BNC2: variants seen among roughly 807,000 people sequenced by gnomAD.
The protein encoded by BNC2 is basonuclin zinc finger protein 2, also known as zinc finger protein basonuclin-2.
In BNC2, 20 loss-of-function variants were observed where a neutral mutation model predicts 76.3. That is an observed-to-expected ratio of 0.26 (90% CI 0.18 to 0.38). BNC2 has a LOEUF of 0.38. Ranked by LOEUF, BNC2 falls within the 10% of genes least tolerant of loss-of-function variation. The pLI is 1.00. For missense variants in BNC2, 1,382 were observed against 1,399.8 expected (o/e 0.99, Z 0.20); for synonymous variants, 582 against 514.8 (o/e 1.13, Z -1.77).
chr9:16,701,386 T>C (rs950171442), intron 3 of BNC2, among the ~76,000 whole-genome samples: 5 of 152,248 alleles, frequency 3.3e-5, no homozygotes, highest in South Asian at 4.1e-4. Context: ...GATTTCTTCA[T>C]CTGTAAAATG....
intron 3 of BNC2, chr9:16,625,743 T>C (rs1217667364): frequency 6.6e-6 from 1 of 152,252 alleles, no homozygotes; most frequent in Non-Finnish European, 1.5e-5. Flanking sequence ...ACCCTCCCTA[T>C]CCCCGACCCT....
At chr9:16,562,525 C>CA (rs762187466) in intron 4 of BNC2, among the ~76,000 whole-genome samples, 2 of 152,144 alleles carry the variant, frequency 1.3e-5, no homozygotes, top group Non-Finnish European at 1.5e-5. Flanking sequence ...CCTACATAAT[C>CA]AAATAATAGC....
chr9:16,656,847 T>C (rs1330929791), intron 3 of BNC2, among the ~76,000 whole-genome samples: 3 of 152,166 alleles, frequency 2.0e-5, no homozygotes, highest in Admixed American at 2.0e-4. Context: ...AGGGAATCTT[T>C]ACAAGATTAG....
intron 4 of BNC2, among the ~76,000 whole-genome samples, chr9:16,573,799 C>A (rs139523249): frequency 6.6e-6 from 1 of 152,258 alleles, no homozygotes; most frequent in African/African-American, 2.4e-5. Context: ...TTATACAATT[C>A]TTTGGGTATA....
chr9:16,813,746 G>C (rs1043078841), intron 1 of BNC2, among the ~76,000 whole-genome samples: 10 of 152,150 alleles, frequency 6.6e-5, no homozygotes. Flanking sequence ...TTGTAGAAGA[G>C]GAGGTATTCT....
intron 5 of BNC2, among the ~76,000 whole-genome samples, chr9:16,479,173 A>G (rs1821992057): frequency 6.6e-6 from 1 of 151,316 alleles, no homozygotes; most frequent in Non-Finnish European, 1.5e-5. Flanking sequence ...AACTGCTTGA[A>G]TCTGGGAGGC....
chr9:16,791,924 A>AGTTTTG (rs1817521514), intron 1 of BNC2, among the ~76,000 whole-genome samples: 2 of 152,096 alleles, frequency 1.3e-5, no homozygotes, highest in African/African-American at 4.8e-5. Context: ...GCAGCATGGC[A>AGTTTTG]AAACTCCATC....
chr9:16,853,164 T>A (rs551063572), intron 1 of BNC2, among the ~76,000 whole-genome samples: 1 of 152,292 alleles, frequency 6.6e-6, no homozygotes, highest in South Asian at 2.1e-4. Context: ...ACGCCTGTAA[T>A]CCCAGCACTT....
At chr9:16,592,770 A>G (rs1400897420) in intron 3 of BNC2, among the ~76,000 whole-genome samples, 1 of 152,158 alleles carries the variant, frequency 6.6e-6, no homozygotes, top group East Asian at 1.9e-4. Flanking sequence ...ATCCCATAAG[A>G]TATCATTCCC....
intron 1 of BNC2, among the ~76,000 whole-genome samples, chr9:16,825,797 T>C (rs1818440564): frequency 6.6e-6 from 1 of 152,326 alleles, no homozygotes; most frequent in East Asian, 1.9e-4. Flanking sequence ...TTAGAAATTA[T>C]GATTGTGACA....
intron 5 of BNC2, among the ~76,000 whole-genome samples, chr9:16,449,123 A>G (rs988880940): frequency 6.6e-6 from 1 of 152,202 alleles, no homozygotes; most frequent in African/African-American, 2.4e-5. Flanking sequence ...ATGAAAAAGG[A>G]TAAAAGGAGA....
At chr9:16,489,157 A>G (rs936221589) in intron 5 of BNC2, among the ~76,000 whole-genome samples, 15 of 152,316 alleles carry the variant, frequency 9.8e-5, no homozygotes, top group South Asian at 6.2e-4. Context: ...AATCCAAAAT[A>G]TTGTCAGTTC....
chr9:16,789,703 T>C (rs1022500070), intron 1 of BNC2, among the ~76,000 whole-genome samples: 2 of 152,234 alleles, frequency 1.3e-5, no homozygotes, highest in Non-Finnish European at 2.9e-5. Context: ...GTATTATACA[T>C]GTTATAGGCA....
intron 1 of BNC2, among the ~76,000 whole-genome samples, chr9:16,808,444 A>G (rs1817964115): frequency 6.7e-6 from 1 of 148,690 alleles, no homozygotes; most frequent in Non-Finnish European, 1.5e-5. Flanking sequence ...CCAGGCCTGA[A>G]TCTATCAATA....
intron 3 of BNC2, among the ~76,000 whole-genome samples, chr9:16,694,345 T>C (rs1312720171): frequency 6.6e-6 from 1 of 152,196 alleles, no homozygotes; most frequent in Non-Finnish European, 1.5e-5. Flanking sequence ...ACCACCTACA[T>C]TAAACCAATT....
At chr9:16,450,072 A>C (rs979770029) in intron 5 of BNC2, among the ~76,000 whole-genome samples, 2 of 152,212 alleles carry the variant, frequency 1.3e-5, no homozygotes, top group African/African-American at 4.8e-5. Context: ...GAGAACAGAT[A>C]ATGTAATAAA....
intron 1 of BNC2, among the ~76,000 whole-genome samples, chr9:16,752,981 G>T (rs1586855985): frequency 6.6e-6 from 1 of 152,278 alleles, no homozygotes; most frequent in African/African-American, 2.4e-5. Context: ...AGAGCCTAAT[G>T]TCAGGATGTT....
At chr9:16,821,929 T>C (rs1818342387) in intron 1 of BNC2, among the ~76,000 whole-genome samples, 1 of 151,604 alleles carries the variant, frequency 6.6e-6, no homozygotes, top group Non-Finnish European at 1.5e-5. Context: ...CTGTCTCTAC[T>C]AAAAATACAA....
Position 16,727,883 on chromosome 9 carries a change from C to T in BNC2, c.244G>A (p.Gly82Arg), listed in dbSNP as rs753706030. 6.2e-7 allele frequency: 1 copy of T among 1,614,142 alleles called. No homozygotes were observed. Among genetic ancestry groups the T allele is most frequent in the Admixed American group, 1.7e-5 (1 of 60,020 alleles). ...DSCTDNSMQF[G>R]TRTTTAEPGF... Reference sequence around the variant, plus strand: ...GGTTCAGCCGTAGTCGTTCTGGTTCCGAACTGCATGGAGTTGTCAGTACAG... The same window carrying T: ...GGTTCAGCCGTAGTCGTTCTGGTTCTGAACTGCATGGAGTTGTCAGTACAG... The change falls in exon 3 of 7, where the codon GGA becomes AGA. Residue 82 changes from glycine (G) to arginine (R), a missense_variant. By Grantham distance (125) the Gly-to-Arg change is moderately radical (BLOSUM62 -2). This residue lies in a region of BNC2 where 557 missense variants were observed against 540.9 expected (regional missense o/e 1.03). Transcript: ENST00000380672.
Sources: gnomAD v4.1 joint callset for allele counts (sites outside exome capture counted in the v4.1 genomes callset) on GRCh38, gnomAD v4.1.1 for gene constraint, gnomAD v4.1.1 regional missense constraint, MANE v1.5 for transcripts, NCBI Gene and HGNC (gene_info 2026-07-23, HGNC 2026-07-21) for gene names.